The following LRRC36 variants were observed in gnomAD, a reference collection of about 807,000 sequenced individuals.
The protein encoded by LRRC36 is leucine-rich repeat-containing protein 36.
Under a neutral mutation model 81.1 loss-of-function variants are expected in LRRC36, and 62 were observed. That is an observed-to-expected ratio of 0.76 (90% confidence interval 0.62 to 0.94). The LOEUF is 0.94. Among genes scored for constraint, LRRC36 ranks in the 40% least tolerant of loss-of-function variants. The pLI is 0.00. For synonymous variants in LRRC36, 334 were observed against 348.6 expected, an observed-to-expected ratio of 0.96 and a Z score of 0.47; for missense variants, 761 against 881.7, an observed-to-expected ratio of 0.86 and a Z score of 1.73.
intron 5 of LRRC36, among the ~76,000 whole-genome samples, chr16:67,362,681 T>C (rs558479848): frequency 2.0e-5 from 3 of 152,256 alleles, no homozygotes; most frequent in South Asian, 4.1e-4. Context: ...CAAAATAAAC[T>C]GTAAAAAATA....
chr16:67,331,069 A>AGAGAG (rs2037461259), intron 1 of LRRC36, among the ~76,000 whole-genome samples: 4 of 118,536 alleles, frequency 3.4e-5, no homozygotes, highest in African/African-American at 1.4e-4. Context: ...GTGAGAGAGA[A>AGAGAG]AGAGAGAGAG....
intron 5 of LRRC36, among the ~76,000 whole-genome samples, chr16:67,358,814 A>G (rs1296775474): frequency 6.6e-6 from 1 of 152,188 alleles, no homozygotes; most frequent in Non-Finnish European, 1.5e-5. Context: ...CATCTGGGAA[A>G]TGCAAAGCAA....
At chr16:67,372,401 G>C (rs2039688478) in intron 9 of LRRC36, among the ~76,000 whole-genome samples, 1 of 151,994 alleles carries the variant, frequency 6.6e-6, no homozygotes, top group African/African-American at 2.4e-5. Context: ...TAGTATGATA[G>C]TGTCATACAA....
rs8053050 is a variant in LRRC36, at chr16:67,341,911, G to T, written c.71-46G>T. 1,085 of 1,530,564 alleles carry T rather than the reference G, an allele frequency of 7.1e-4. 6 individuals carry two copies. The African/African-American group carries it at 0.013, about 18-fold the overall frequency. The allele number at this position is 1,530,564 out of a possible 1,614,324, so 94.8% of individuals were successfully genotyped here. On this transcript the variant is annotated intron_variant, in intron 1 of 13. Transcript: ENST00000329956. Reference sequence around the variant, plus strand: ...GCCTACTTTCACTGACTCTGCTGTTGATCCGAGCAGGGATCATAATATATC... The same window carrying T: ...GCCTACTTTCACTGACTCTGCTGTTTATCCGAGCAGGGATCATAATATATC...
At chr16:67,383,082 A>G (rs2142193537) in intron 13 of LRRC36, among the ~76,000 whole-genome samples, 1 of 150,568 alleles carries the variant, frequency 6.6e-6, no homozygotes, top group Admixed American at 6.6e-5. Flanking sequence ...AAAAAAAAAA[A>G]AAAAAAAAAA....
intron 5 of LRRC36, among the ~76,000 whole-genome samples, chr16:67,358,186 G>C (rs1173755857): frequency 1.4e-5 from 2 of 146,660 alleles, no homozygotes; most frequent in Admixed American, 6.8e-5. Flanking sequence ...TTTTTCAAGA[G>C]TGATCCTGTA....
intron 4 of LRRC36, among the ~76,000 whole-genome samples, chr16:67,349,939 T>G (rs2038540115): frequency 6.6e-6 from 1 of 152,122 alleles, no homozygotes; most frequent in African/African-American, 2.4e-5. Flanking sequence ...TTTTGTATTT[T>G]TAGTAGAGAC....
chr16:67,374,739 T>C (rs2039811455), intron 9 of LRRC36, among the ~76,000 whole-genome samples: 1 of 152,138 alleles, frequency 6.6e-6, no homozygotes, highest in Non-Finnish European at 1.5e-5. Context: ...ACTGTTACCT[T>C]TGATATTATC....
At chr16:67,335,432 G>C (rs913183949) in intron 1 of LRRC36, among the ~76,000 whole-genome samples, 1 of 152,164 alleles carries the variant, frequency 6.6e-6, no homozygotes, top group Non-Finnish European at 1.5e-5. Flanking sequence ...GAACATTGCT[G>C]TTATCCTGTT....
chr16:67,327,982 G>C (rs2037281988), intron 1 of LRRC36, among the ~76,000 whole-genome samples: 1 of 152,096 alleles, frequency 6.6e-6, no homozygotes, highest in African/African-American at 2.4e-5. Context: ...AATGATATTT[G>C]AGGGGAAGAG....
At chr16:67,331,575 A>G (rs2037493041) in intron 1 of LRRC36, among the ~76,000 whole-genome samples, 1 of 152,194 alleles carries the variant, frequency 6.6e-6, no homozygotes, top group Admixed American at 6.5e-5. Flanking sequence ...CGTTCAAACC[A>G]TAGCAATATA....
chr16:67,335,461 G>A (rs372001505), intron 1 of LRRC36, among the ~76,000 whole-genome samples: 58 of 152,228 alleles, frequency 3.8e-4, no homozygotes, highest in African/African-American at 1.2e-3. Context: ...AAGGTGCCCA[G>A]ATTTCATATT....
At chr16:67,332,804 T>A (rs1393910524) in intron 1 of LRRC36, among the ~76,000 whole-genome samples, 5 of 152,124 alleles carry the variant, frequency 3.3e-5, no homozygotes, top group Non-Finnish European at 1.5e-5. Flanking sequence ...TAACAGACTC[T>A]CAGGGTGTTA....
chr16:67,367,514 T>C (rs771177066), intron 8 of LRRC36, 57 bp downstream of exon 8: 41 of 1,480,420 alleles, frequency 2.8e-5, no homozygotes, highest in Non-Finnish European at 3.6e-5. Flanking sequence ...ATAGAAGATA[T>C]AAGTGAAAAT....
rs2039476208 is a variant in LRRC36 at position 67,367,956 on chromosome 16, C to A, written c.1195+499C>A. On this transcript the variant is annotated intron_variant, in intron 8 of 13. Coordinates refer to ENST00000329956, the MANE Select transcript of LRRC36 (RefSeq NM_018296.6). ...CCTGTAATCCCAGCTACTCAGGAGG[C>A]TGAGAGGCAGGAGAATTGCTTGAAC... is the stretch of plus-strand genomic sequence containing the variant. 1.3e-5 allele frequency among the ~76,000 whole-genome samples: 2 copies of A among 152,172 alleles called. 1 individual carries two copies. Among genetic ancestry groups the A allele is most frequent in the South Asian group, 4.1e-4 (2 of 4,832 alleles).
intron 9 of LRRC36, among the ~76,000 whole-genome samples, chr16:67,374,035 T>G (rs1031628291): frequency 1.4e-5 from 2 of 144,444 alleles, no homozygotes; most frequent in Non-Finnish European, 3.1e-5. Flanking sequence ...AACACATAAA[T>G]AAAATATAGA....
intron 5 of LRRC36, among the ~76,000 whole-genome samples, chr16:67,352,373 C>T (rs990631503): frequency 6.6e-6 from 1 of 152,320 alleles, no homozygotes; most frequent in East Asian, 1.9e-4. Flanking sequence ...TAGGAGAAAA[C>T]TTTCTGGAGA....
chr16:67,343,018 A>G (rs577028370), intron 2 of LRRC36, among the ~76,000 whole-genome samples: 10 of 152,322 alleles, frequency 6.6e-5, no homozygotes, highest in Non-Finnish European at 1.5e-4. Flanking sequence ...TCTTTAGACT[A>G]TTTTTTAGCA....
At chr16:67,356,183 C>G (rs1390531742) in intron 5 of LRRC36, among the ~76,000 whole-genome samples, 1 of 152,122 alleles carries the variant, frequency 6.6e-6, no homozygotes, top group Non-Finnish European at 1.5e-5. Context: ...ATATCTTATT[C>G]TAAAATAACA....
Sources: allele counts gnomAD v4.1 joint callset (sites outside exome capture counted in the v4.1 genomes callset), GRCh38; gene constraint gnomAD v4.1.1; transcripts MANE v1.5; gene names NCBI Gene and HGNC (gene_info 2026-07-23, HGNC 2026-07-21).